The following ITFG1 variants were observed in gnomAD, a reference collection of about 807,000 sequenced individuals.
The protein encoded by ITFG1 is T-cell immunomodulatory protein.
In ITFG1, 34 loss-of-function variants were observed where a neutral mutation model predicts 81.8. That is an observed-to-expected ratio of 0.42 (90% CI 0.32 to 0.55). The LOEUF (loss-of-function observed/expected upper bound fraction) is 0.55, where lower values mean the gene tolerates loss of function less well. Ranked by LOEUF, ITFG1 falls within the 20% of genes least tolerant of loss-of-function variation. The probability of loss-of-function intolerance (pLI) is 0.17; values close to 1 mark genes in which losing one functional copy is unlikely to be tolerated. For synonymous variants in ITFG1, 285 were observed against 270.6 expected (o/e 1.05, Z -0.52); for missense variants, 672 against 755.4 (o/e 0.89, Z 1.29).
chr16:47,358,908 T>G (rs1385628321), intron 8 of ITFG1, among the ~76,000 whole-genome samples: 1 of 152,030 alleles, frequency 6.6e-6, no homozygotes, highest in Admixed American at 6.6e-5. Flanking sequence ...ATGTCAGCAA[T>G]AGTCTGCAAT....
At chr16:47,350,700 C>T (rs1287474607) in intron 8 of ITFG1, among the ~76,000 whole-genome samples, 2 of 152,162 alleles carry the variant, frequency 1.3e-5, no homozygotes, top group African/African-American at 4.8e-5. Context: ...GGGAATCCTC[C>T]CTAACTCATT....
intron 10 of ITFG1, chr16:47,263,064 G>A: frequency 4.3e-6 from 1 of 230,514 alleles, no homozygotes; most frequent in Admixed American, 4.4e-5. Context: ...GCTCGGCAAA[G>A]TCAAATGTAT....
At chr16:47,402,657 TTCTG>T (rs907463381) in intron 6 of ITFG1, among the ~76,000 whole-genome samples, 13 of 152,220 alleles carry the variant, frequency 8.5e-5, no homozygotes, top group African/African-American at 3.1e-4. Flanking sequence ...ACTAAAATGA[TTCTG>T]TCTATCTCAA....
intron 6 of ITFG1, among the ~76,000 whole-genome samples, chr16:47,405,298 G>T (rs1968714303): frequency 6.6e-6 from 1 of 152,092 alleles, no homozygotes; most frequent in Admixed American, 6.6e-5. Flanking sequence ...TCCACCATAT[G>T]TCTGTAATGT....
intron 8 of ITFG1, among the ~76,000 whole-genome samples, chr16:47,315,178 T>C (rs1174038132): frequency 6.6e-6 from 1 of 152,080 alleles, no homozygotes; most frequent in Non-Finnish European, 1.5e-5. Context: ...ATAAAATATG[T>C]AGAGAACATC....
intron 5 of ITFG1, among the ~76,000 whole-genome samples, chr16:47,429,461 A>C (rs748205812): frequency 6.6e-6 from 1 of 152,178 alleles, no homozygotes; most frequent in Non-Finnish European, 1.5e-5. Flanking sequence ...CTAGGAGTGG[A>C]ATTGTTGGGT....
At chr16:47,424,507 A>C (rs1216338656) in intron 6 of ITFG1, among the ~76,000 whole-genome samples, 1 of 152,156 alleles carries the variant, frequency 6.6e-6, no homozygotes, top group Non-Finnish European at 1.5e-5. Context: ...GGAGGAGAAG[A>C]GGTGCTCTGG....
At chr16:47,422,141 G>A (rs974039534) in intron 6 of ITFG1, among the ~76,000 whole-genome samples, 2 of 152,156 alleles carry the variant, frequency 1.3e-5, no homozygotes, top group Admixed American at 6.5e-5. Flanking sequence ...ATAAACATAC[G>A]TGTGCATGTG....
At chr16:47,346,824 C>T (rs1414582664) in intron 8 of ITFG1, among the ~76,000 whole-genome samples, 2 of 152,152 alleles carry the variant, frequency 1.3e-5, no homozygotes, top group Admixed American at 6.5e-5. Flanking sequence ...CTGAATTCTA[C>T]CAAACCATGT....
In ITFG1 at chr16:47,270,858, T is replaced by A. The variant is rs555904170; in HGVS notation, c.1071-10163A>T. ...ATATAAAATATTAGAAAATGCAATC[T>A]AATCTACAGCGACAGAAAGCAGATC... On this transcript the variant is annotated intron_variant, in intron 10 of 17. Transcript: ENST00000320640. 6.1e-3 allele frequency among the ~76,000 whole-genome samples: 924 copies of A among 152,284 alleles called. 9 individuals carry two copies. Among genetic ancestry groups the A allele is most frequent in the African/African-American group, 0.02 (850 of 41,556 alleles).
chr16:47,167,852 T>G (rs992191559), intron 14 of ITFG1, among the ~76,000 whole-genome samples: 1 of 152,250 alleles, frequency 6.6e-6, no homozygotes, highest in Non-Finnish European at 1.5e-5. Context: ...GTTTAGTACC[T>G]TTTGGCTATT....
chr16:47,298,080 G>C (rs13330832), intron 10 of ITFG1, among the ~76,000 whole-genome samples: 17,907 of 151,902 alleles, frequency 0.12, 2,304 homozygotes, highest in African/African-American at 0.32. Context: ...GAGATTCTCT[G>C]CTTTGCTTGC....
intron 8 of ITFG1, among the ~76,000 whole-genome samples, chr16:47,361,272 A>AT (rs1968105603): frequency 6.6e-6 from 1 of 152,126 alleles, no homozygotes; most frequent in Non-Finnish European, 1.5e-5. Flanking sequence ...CAATAATTCA[A>AT]TCTATAAAAA....
chr16:47,380,645 G>A (rs1254695686), intron 6 of ITFG1, among the ~76,000 whole-genome samples: 3 of 152,154 alleles, frequency 2.0e-5, no homozygotes, highest in Non-Finnish European at 4.4e-5. Flanking sequence ...AGTGGGGTGA[G>A]TTGTGGCTTG....
At chr16:47,191,573 T>C (rs1965293230) in intron 14 of ITFG1, among the ~76,000 whole-genome samples, 1 of 152,152 alleles carries the variant, frequency 6.6e-6, no homozygotes, top group Non-Finnish European at 1.5e-5. Context: ...AGCATATTAA[T>C]CACAGGCTCA....
rs895687267 is a variant in ITFG1 at position 47,222,437 on chromosome 16, G to A, written c.1375-3491C>T. On this transcript the variant is annotated intron_variant, in intron 13 of 17. Coordinates refer to ENST00000320640, the MANE Select transcript of ITFG1 (RefSeq NM_030790.5). ...TCTTTTTTTTTTTTTTTTTTGAGAC[G>A]AAGTCTCGCTAGGTCGCCCAGGCCG... Among the ~76,000 whole-genome samples the A allele has an allele frequency of 3.2e-4, 45 of 139,366 alleles. 1 individual carries two copies. Among genetic ancestry groups the A allele is most frequent in the African/African-American group, 1.1e-3 (41 of 35,706 alleles). The allele number at this position is 139,366 out of a possible 152,430, so 91.4% of individuals were successfully genotyped here.
intron 12 of ITFG1, among the ~76,000 whole-genome samples, chr16:47,257,059 C>T (rs1403111298): frequency 6.6e-6 from 1 of 152,086 alleles, no homozygotes; most frequent in Non-Finnish European, 1.5e-5. Context: ...CACTTAATGG[C>T]GAAAGCCAAA....
intron 14 of ITFG1, among the ~76,000 whole-genome samples, chr16:47,169,367 C>T (rs1055117272): frequency 6.6e-6 from 1 of 152,034 alleles, no homozygotes; most frequent in Non-Finnish European, 1.5e-5. Context: ...TTTAATTTCT[C>T]TCAGCAATGT....
intron 6 of ITFG1, chr16:47,396,248 G>A (rs1968591582): frequency 1.7e-5 from 13 of 750,294 alleles, no homozygotes; most frequent in South Asian, 6.0e-5. Context: ...AGGTACAGCT[G>A]TTAGCTGTTG....
Sources: allele counts gnomAD v4.1 joint callset (sites outside exome capture counted in the v4.1 genomes callset), GRCh38; gene constraint gnomAD v4.1.1; transcripts MANE v1.5; gene names NCBI Gene and HGNC (gene_info 2026-07-23, HGNC 2026-07-21).